The following ORC5 variants were observed in gnomAD, a reference collection of about 807,000 sequenced individuals.
The protein encoded by ORC5 is protein phosphatase 1, regulatory subunit 117.
A neutral mutation model predicts 58.8 loss-of-function variants in ORC5; 39 were observed. The observed-to-expected ratio is 0.66, with a 90% confidence interval of 0.51 to 0.87. The LOEUF is 0.87. Among genes scored for constraint, ORC5 ranks in the 40% least tolerant of loss-of-function variants. The pLI, the probability that ORC5 is intolerant of heterozygous loss-of-function variation, is 0.00. For synonymous variants in ORC5, 218 were observed against 177.6 expected (o/e 1.23, Z -1.81); for missense variants, 493 against 506.3 (o/e 0.97, Z 0.25).
intron 5 of ORC5, among the ~76,000 whole-genome samples, chr7:104,194,163 A>AT (rs1320020741): frequency 1.8e-5 from 2 of 113,934 alleles, no homozygotes; most frequent in African/African-American, 6.4e-5. Flanking sequence ...TTATTTTGGG[A>AT]TTTTTATGGA....
At chr7:104,203,856 G>A (rs1414037422) in intron 2 of ORC5, among the ~76,000 whole-genome samples, 1 of 152,158 alleles carries the variant, frequency 6.6e-6, no homozygotes, top group African/African-American at 2.4e-5. Flanking sequence ...AGCAGCAATG[G>A]CTAGGATTAA....
chr7:104,195,973 C>A (rs946533616), intron 4 of ORC5, among the ~76,000 whole-genome samples: 2 of 151,556 alleles, frequency 1.3e-5, no homozygotes, highest in African/African-American at 2.4e-5. Context: ...TAGATAAATA[C>A]TTAACATAAA....
At chr7:104,148,034 C>A (rs556381357) in intron 12 of ORC5, among the ~76,000 whole-genome samples, 7 of 152,174 alleles carry the variant, frequency 4.6e-5, no homozygotes, top group Non-Finnish European at 1.0e-4. Flanking sequence ...GCTATAGGAA[C>A]TAATTAATAC....
chr7:104,201,087 C>G, intron 2 of ORC5, 129 bp from the exon 3 acceptor site: 1 of 688,012 alleles, frequency 1.5e-6, no homozygotes, highest in Non-Finnish European at 2.5e-6. Flanking sequence ...GCCCCAAGAG[C>G]CTGACAGCTA....
chr7:104,204,290 T>A, intron 1 of ORC5, 56 bp from the exon 2 acceptor site: 1 of 986,906 alleles, frequency 1.0e-6, no homozygotes, highest in Non-Finnish European at 1.6e-6. Flanking sequence ...AAATAAACAC[T>A]TATCAACTTG....
At chr7:104,155,950 C>T (rs1237743870) in intron 12 of ORC5, among the ~76,000 whole-genome samples, 1 of 151,540 alleles carries the variant, frequency 6.6e-6, no homozygotes, top group Non-Finnish European at 1.5e-5. Context: ...AAAGACAATA[C>T]TATTTCTTTA....
At chr7:104,169,299 T>C (rs994699967) in intron 8 of ORC5, among the ~76,000 whole-genome samples, 1 of 108,192 alleles carries the variant, frequency 9.2e-6, no homozygotes, top group Non-Finnish European at 2.5e-5. Context: ...AGTCGAATCC[T>C]TGTAGGATGC....
At chr7:104,151,370 G>A (rs1798844203) in intron 12 of ORC5, among the ~76,000 whole-genome samples, 1 of 152,152 alleles carries the variant, frequency 6.6e-6, no homozygotes, top group Admixed American at 6.5e-5. Context: ...TAATGTCAGT[G>A]AGGGTGGAAA....
chr7:104,154,317 C>G (rs1053669001), intron 12 of ORC5, among the ~76,000 whole-genome samples: 1 of 151,960 alleles, frequency 6.6e-6, no homozygotes, highest in African/African-American at 2.4e-5. Context: ...AGGAAATATT[C>G]AACAAACAGG....
rs903603967 is a variant in ORC5, at chr7:104,207,958, C to A, written c.-54G>T. On this transcript the variant is annotated 5_prime_UTR_variant, in exon 1 of 14. Transcript: ENST00000297431. ...GCAGCCAGCCCACAGGACCCTTGCACAAGACGGAGCCTCTCCCGAGTCTGG... is the reference window on the plus strand; with the variant it reads ...GCAGCCAGCCCACAGGACCCTTGCAAAAGACGGAGCCTCTCCCGAGTCTGG... The A allele has an allele frequency of 4.6e-6, 7 of 1,535,072 alleles. No individual in the cohort carries two copies. The African/African-American group carries it at 8.2e-5, about 18-fold the overall frequency.
At chr7:104,173,989 C>T (rs1186406083) in intron 8 of ORC5, among the ~76,000 whole-genome samples, 1 of 150,132 alleles carries the variant, frequency 6.7e-6, no homozygotes, top group Non-Finnish European at 1.5e-5. Flanking sequence ...GGACTACAGG[C>T]GCCCGCCACT....
At chr7:104,151,123 G>A (rs1220026028) in intron 12 of ORC5, among the ~76,000 whole-genome samples, 1 of 152,112 alleles carries the variant, frequency 6.6e-6, no homozygotes, top group Non-Finnish European at 1.5e-5. Context: ...GAAGGAAGTG[G>A]TAGAAATTGG....
chr7:104,166,657 A>G (rs1799112380), intron 10 of ORC5, 115 bp downstream of exon 10: 2 of 625,480 alleles, frequency 3.2e-6, no homozygotes, highest in South Asian at 2.0e-5. Context: ...TCCTAAATAC[A>G]TATTTGGCAA....
chr7:104,181,806 A>AG (rs1469729628), intron 8 of ORC5, among the ~76,000 whole-genome samples: 2 of 147,568 alleles, frequency 1.4e-5, no homozygotes, highest in Non-Finnish European at 3.1e-5. Context: ...AAAAAAAAAA[A>AG]AAGAAAATGT....
At chr7:104,202,523 T>C (rs1385035834) in intron 2 of ORC5, 4 of 456,490 alleles carry the variant, frequency 8.8e-6, no homozygotes, top group African/African-American at 2.0e-5. Context: ...AGGCAGCATA[T>C]TCTAAGTGCC....
At chr7:104,198,869 G>A (rs190371165) in intron 3 of ORC5, among the ~76,000 whole-genome samples, 4 of 152,350 alleles carry the variant, frequency 2.6e-5, no homozygotes, top group African/African-American at 9.6e-5. Context: ...CCAGGGCCTT[G>A]CTGCTTTGTG....
intron 8 of ORC5, among the ~76,000 whole-genome samples, chr7:104,173,701 A>G (rs1031075048): frequency 3.3e-5 from 5 of 152,176 alleles, no homozygotes; most frequent in Admixed American, 2.0e-4. Context: ...TCTGGTAAGG[A>G]CAAGTGTCCT....
At chr7:104,174,777 T>C (rs1353278837) in intron 8 of ORC5, among the ~76,000 whole-genome samples, 1 of 152,052 alleles carries the variant, frequency 6.6e-6, no homozygotes, top group African/African-American at 2.4e-5. Context: ...ATAGAGGCAT[T>C]TAACTAGTAT....
At chr7:104,145,475 C>CT (rs1216081276) in intron 12 of ORC5, among the ~76,000 whole-genome samples, 1 of 152,028 alleles carries the variant, frequency 6.6e-6, no homozygotes, top group African/African-American at 2.4e-5. Context: ...ATTCTGTAAT[C>CT]TTTTTTTAGC....
Sources: allele counts gnomAD v4.1 joint callset (sites outside exome capture counted in the v4.1 genomes callset), GRCh38; gene constraint gnomAD v4.1.1; transcripts MANE v1.5; gene names NCBI Gene and HGNC (gene_info 2026-07-23, HGNC 2026-07-21).